CAMSAP1: variants seen among roughly 807,000 people sequenced by gnomAD.
CAMSAP1 encodes the protein calmodulin-regulated spectrin-associated protein 1.
Under a neutral mutation model 143.5 loss-of-function variants are expected in CAMSAP1, and 58 were observed. That is an observed-to-expected ratio of 0.40 (90% CI 0.33 to 0.50). The LOEUF (loss-of-function observed/expected upper bound fraction) is 0.50. CAMSAP1 is among the 20% of genes least tolerant of loss of function. The pLI, the probability that CAMSAP1 is intolerant of heterozygous loss-of-function variation, is 0.45. For synonymous variants in CAMSAP1, 945 were observed against 859.3 expected, an observed-to-expected ratio of 1.10 and a Z score of -1.74; for missense variants, 1,969 against 2,115.7, an observed-to-expected ratio of 0.93 and a Z score of 1.36.
chr9:135,835,949 C>T (rs1836017175), intron 7 of CAMSAP1, among the ~76,000 whole-genome samples: 1 of 152,214 alleles, frequency 6.6e-6, no homozygotes, highest in Non-Finnish European at 1.5e-5. Flanking sequence ...CACTGCTCTC[C>T]AGCCTGGGTG....
rs564283851 is a variant in CAMSAP1, at chr9:135,862,641, T to C, written c.667-33A>G. 218 of 1,550,336 alleles carry C rather than the reference T, an allele frequency of 1.4e-4. 3 individuals carry two copies. The South Asian group carries it at 2.0e-3, about 14-fold the overall frequency. On this transcript the variant is annotated intron_variant, in intron 4 of 16. Transcript: ENST00000389532. The stretch of plus-strand genomic sequence containing the variant: ...TGATAAAAGGAAAACGGTCTCTGCA[T>C]GTGATGTCTCTTCACTACCATATAT...
At position 135,824,740 on chromosome 9, in the gene CAMSAP1, T is replaced by A. The variant is rs1835611020; in HGVS notation, c.1315+49A>T. On this transcript the variant is annotated intron_variant, in intron 9 of 16. Transcript: ENST00000389532. This position sits in a 1 kb window ranked among gnomAD's most constrained non-coding sequence, Gnocchi z 4.1. ...ATTTTGAGAAATATGATTTTACTAA[T>A]CTATAGTAAGGAGAAATTAAGGAAA... The A allele has an allele frequency of 8.4e-7, 1 of 1,195,420 alleles. No individual in the cohort carries two copies. The highest frequency in any genetic ancestry group is 1.2e-6 in the Non-Finnish European group (1 of 851,756). The allele number at this position is 1,195,420 out of a possible 1,614,324, so 74.1% of individuals were successfully genotyped here. A position where few individuals can be genotyped will look rare whatever the true frequency, so the allele number is the denominator to read the frequency against.
intron 7 of CAMSAP1, among the ~76,000 whole-genome samples, chr9:135,830,200 G>A (rs948749276): frequency 3.3e-5 from 5 of 152,164 alleles, no homozygotes; most frequent in African/African-American, 4.8e-5. Context: ...ATGGAAAAAG[G>A]AAATCCTTTC....
At chr9:135,887,479 G>T (rs887879274) in intron 1 of CAMSAP1, among the ~76,000 whole-genome samples, 1 of 152,192 alleles carries the variant, frequency 6.6e-6, no homozygotes, top group African/African-American at 2.4e-5. Flanking sequence ...AGATGTGTCT[G>T]CTTTAAGGAT....
At chr9:135,880,874 G>T (rs1018567136) in intron 3 of CAMSAP1, among the ~76,000 whole-genome samples, 2 of 152,140 alleles carry the variant, frequency 1.3e-5, no homozygotes, top group Non-Finnish European at 2.9e-5. Flanking sequence ...ACTACTAAAA[G>T]TAAACATTCT....
At chr9:135,871,342 C>T (rs1837564439) in intron 3 of CAMSAP1, among the ~76,000 whole-genome samples, 1 of 152,094 alleles carries the variant, frequency 6.6e-6, no homozygotes, top group African/African-American at 2.4e-5. Flanking sequence ...GTACACACCA[C>T]CATGCTTGGC....
chr9:135,812,140 C>T (rs940370109), intron 16 of CAMSAP1, among the ~76,000 whole-genome samples: 2 of 152,202 alleles, frequency 1.3e-5, no homozygotes, highest in African/African-American at 4.8e-5. Context: ...ATACAAAACA[C>T]TGCATATAAA....
intron 1 of CAMSAP1, among the ~76,000 whole-genome samples, chr9:135,888,622 C>CTA (rs1240108818): frequency 6.6e-6 from 1 of 152,210 alleles, no homozygotes; most frequent in Non-Finnish European, 1.5e-5. Flanking sequence ...GGCGGCCTGG[C>CTA]TATCTGCATT....
In CAMSAP1 at chr9:135,907,092, G is replaced by A; in HGVS notation, c.68C>T (p.Ala23Val). 1.7e-6 allele frequency: 2 copies of A among 1,147,746 alleles called. No individual in the cohort carries two copies. Among genetic ancestry groups the A allele is most frequent in the South Asian group, 6.5e-5 (2 of 30,886 alleles). The allele number at this position is 1,147,746 out of a possible 1,614,324, so 71.1% of individuals were successfully genotyped here. ...GCGGTCCAGGGGCACGAGGTCGGCG[G>A]CGCCGTCCGGCGGGGCCTCCATCTT... ...WRKMEAPPDG[A>V]ADLVPLDRYD... The change falls in exon 1 of 17, where the codon GCC becomes GTC. Residue 23 changes from alanine to valine, a missense_variant. By Grantham distance (64) the Ala-to-Val change is moderately conservative (BLOSUM62 0). This residue lies in a region of CAMSAP1 where 215 missense variants were observed against 196.2 expected (regional missense o/e 1.10). Transcript: ENST00000389532.
At chr9:135,867,488 T>TAA (rs1837421378) in intron 3 of CAMSAP1, among the ~76,000 whole-genome samples, 7 of 142,260 alleles carry the variant, frequency 4.9e-5, no homozygotes, top group African/African-American at 1.9e-4. Context: ...TTTTTTTTTT[T>TAA]TAAAAAAAAA....
intron 3 of CAMSAP1, among the ~76,000 whole-genome samples, chr9:135,881,341 A>C (rs59391238): frequency 6.6e-6 from 1 of 151,412 alleles, no homozygotes; most frequent in Non-Finnish European, 1.5e-5. Flanking sequence ...CTGGGGGACA[A>C]AGTGAGACCC....
Position 135,809,852 on chromosome 9 carries a change from G to C in CAMSAP1, c.*1457C>G, listed in dbSNP as rs1194584906. On this transcript the variant is annotated 3_prime_UTR_variant, in exon 17 of 17. Coordinates refer to ENST00000389532, the MANE Select transcript of CAMSAP1 (RefSeq NM_015447.4). Reference sequence around the variant, plus strand: ...CAAAGGACTGAGGAAAGGGGAATAAGACCTATAATTCCTTCTAGCCTTCTG... The same window carrying C: ...CAAAGGACTGAGGAAAGGGGAATAACACCTATAATTCCTTCTAGCCTTCTG... The C allele has an allele frequency of 6.6e-6, 1 of 152,554 alleles. No individual in the cohort carries two copies. 9.5% of individuals were successfully genotyped at this position (152,554 alleles called of 1,614,324 possible).
chr9:135,849,405 G>A (rs1836691790), intron 7 of CAMSAP1, among the ~76,000 whole-genome samples: 3 of 152,168 alleles, frequency 2.0e-5, no homozygotes, highest in Admixed American at 1.3e-4. Context: ...GGCCGTCTGG[G>A]TGTCATCTTT....
intron 4 of CAMSAP1, among the ~76,000 whole-genome samples, chr9:135,864,978 C>T (rs1837324379): frequency 6.6e-6 from 1 of 152,174 alleles, no homozygotes; most frequent in Non-Finnish European, 1.5e-5. Context: ...CACAGTCAGG[C>T]AAGGTAACAT....
At chr9:135,835,416 C>T (rs1198214811) in intron 7 of CAMSAP1, among the ~76,000 whole-genome samples, 1 of 152,160 alleles carries the variant, frequency 6.6e-6, no homozygotes, top group Non-Finnish European at 1.5e-5. Flanking sequence ...AGAGGCTTCA[C>T]GGAGGTATCA....
At chr9:135,878,319 G>T (rs1837820278) in intron 3 of CAMSAP1, among the ~76,000 whole-genome samples, 1 of 152,164 alleles carries the variant, frequency 6.6e-6, no homozygotes, top group African/African-American at 2.4e-5. Flanking sequence ...TGCCACAGAG[G>T]AGGAGAGACT....
chr9:135,825,465 C>G (rs1835639769), intron 8 of CAMSAP1, among the ~76,000 whole-genome samples: 1 of 152,158 alleles, frequency 6.6e-6, no homozygotes, highest in African/African-American at 2.4e-5. Flanking sequence ...ACCTTTACCA[C>G]TCCTTGGATT....
intron 1 of CAMSAP1, among the ~76,000 whole-genome samples, chr9:135,894,386 C>T (rs1261530942): frequency 6.6e-6 from 1 of 152,252 alleles, no homozygotes; most frequent in Non-Finnish European, 1.5e-5. Context: ...ACAGGAGCCA[C>T]ACTCCACGCA....
intron 1 of CAMSAP1, among the ~76,000 whole-genome samples, chr9:135,904,833 C>T (rs979494637): frequency 3.9e-5 from 6 of 152,140 alleles, no homozygotes; most frequent in African/African-American, 9.7e-5. Flanking sequence ...GGAGTGGGGG[C>T]GCACGCCTGT....
Sources: allele counts gnomAD v4.1 joint callset (sites outside exome capture counted in the v4.1 genomes callset), GRCh38; gene constraint gnomAD v4.1.1; regional missense constraint gnomAD v4.1.1; non-coding constraint Gnocchi (gnomAD v3.1); transcripts MANE v1.5; gene names NCBI Gene and HGNC (gene_info 2026-07-23, HGNC 2026-07-21).